Variants in USP7 observed in about 807,000 individuals in gnomAD.
USP7 encodes ubiquitin C-terminal hydrolase 7.
In USP7, 9 loss-of-function variants were observed where a neutral mutation model predicts 162.9. That is an observed-to-expected ratio of 0.06 (90% CI 0.03 to 0.10). USP7 has a LOEUF of 0.10. Among genes scored for constraint, USP7 ranks in the 10% least tolerant of loss-of-function variants. The pLI, the probability that USP7 is intolerant of heterozygous loss-of-function variation, is 1.00. For missense variants in USP7, 715 were observed against 1,373.7 expected (o/e 0.52, Z 7.58); for synonymous variants, 562 against 475.9 (o/e 1.18, Z -2.35).
Position 8,953,276 on chromosome 16 carries a change from C to T in USP7, c.79+9931G>A, listed in dbSNP as rs1161851429. On this transcript the variant is annotated intron_variant, in intron 1 of 30. Transcript: ENST00000344836. ...CCCTCCCCTGCACACGTGTTCAGGG[C>T]TCCTTCACTTTCTGAGGCAGTCCCA... Among the ~76,000 whole-genome samples, 14 of 152,234 alleles carry T rather than the reference C, an allele frequency of 9.2e-5. No individual in the cohort carries two copies. In the East Asian group the frequency reaches 2.7e-3, roughly 29 times the overall value.
At chr16:8,961,711 G>C (rs893092369) in intron 1 of USP7, among the ~76,000 whole-genome samples, 5 of 152,128 alleles carry the variant, frequency 3.3e-5, no homozygotes, top group African/African-American at 1.2e-4. Flanking sequence ...CATTTGAAAA[G>C]GAAACTGAAA....
At chr16:8,924,049 T>C (rs1023710343) in intron 2 of USP7, among the ~76,000 whole-genome samples, 2 of 152,166 alleles carry the variant, frequency 1.3e-5, no homozygotes, top group African/African-American at 2.4e-5. Flanking sequence ...ATGAGTAGTA[T>C]AAATTGTTAA....
chr16:8,937,003 T>C (rs1005853742), intron 1 of USP7, among the ~76,000 whole-genome samples: 1 of 152,160 alleles, frequency 6.6e-6, no homozygotes. Flanking sequence ...TTTGCAACTT[T>C]TCTGTACATC....
At chr16:8,949,760 G>C (rs1899464230) in intron 1 of USP7, 1 of 152,244 alleles carries the variant, frequency 6.6e-6, no homozygotes, top group African/African-American at 2.4e-5. Context: ...CTTACGCAGA[G>C]ACACCTTATC....
intron 27 of USP7, 108 bp from the exon 28 acceptor site, chr16:8,895,258 T>G: frequency 6.4e-7 from 1 of 1,551,082 alleles, no homozygotes. Flanking sequence ...AGCCTATTTT[T>G]GCTAAAAAAA....
Position 8,942,863 on chromosome 16 carries a change from A to G in USP7, c.80-12466T>C, listed in dbSNP as rs562926421. Among the ~76,000 whole-genome samples, 5 of 152,054 alleles carry G rather than the reference A, an allele frequency of 3.3e-5. No individual in the cohort carries two copies. In the South Asian group the frequency reaches 8.3e-4, roughly 25 times the overall value. Reference sequence around the variant, plus strand: ...ACATCCAGCCACTTTGTGATTTTATACCCTCCAGTTATTTGGCCATATGCA... The same window carrying G: ...ACATCCAGCCACTTTGTGATTTTATGCCCTCCAGTTATTTGGCCATATGCA... On this transcript the variant is annotated intron_variant, in intron 1 of 30. Transcript: ENST00000344836.
chr16:8,902,000 T>C, intron 18 of USP7, 82 bp downstream of exon 18: 1 of 1,189,564 alleles, frequency 8.4e-7, no homozygotes, highest in Non-Finnish European at 1.2e-6. Context: ...GGAAGAAGGC[T>C]TAACCCTGTG....
intron 27 of USP7, 97 bp downstream of exon 27, chr16:8,895,544 CA>C: frequency 9.6e-7 from 1 of 1,045,836 alleles, no homozygotes; most frequent in Non-Finnish European, 1.5e-6. Flanking sequence ...TATAAAAACA[CA>C]AATCAAGCTA....
chr16:8,933,082 A>T (rs937912985), intron 1 of USP7, among the ~76,000 whole-genome samples: 1 of 152,088 alleles, frequency 6.6e-6, no homozygotes, highest in African/African-American at 2.4e-5. Flanking sequence ...CTGGGATTAC[A>T]GGTGTGTACC....
intron 1 of USP7, among the ~76,000 whole-genome samples, chr16:8,945,619 T>G (rs752727742): frequency 2.0e-4 from 30 of 152,176 alleles, no homozygotes; most frequent in Non-Finnish European, 4.3e-4. Flanking sequence ...GACAGCACAG[T>G]AAAGATGTTC....
chr16:8,939,433 C>T (rs775240528), intron 1 of USP7, among the ~76,000 whole-genome samples: 2 of 152,254 alleles, frequency 1.3e-5, no homozygotes. Context: ...CATTCACTTG[C>T]TGACATCTGG....
At chr16:8,918,829 G>A (rs12708738) in intron 6 of USP7, among the ~76,000 whole-genome samples, 91,634 of 151,942 alleles carry the variant, frequency 0.6, 27,778 homozygotes, top group East Asian at 0.66. Flanking sequence ...AAGGTTGGCG[G>A]TGGTAACTCT....
At chr16:8,921,071 C>A (rs42554) in intron 4 of USP7, 86 bp downstream of exon 4, 1 of 1,437,006 alleles carries the variant, frequency 7.0e-7, no homozygotes, top group East Asian at 2.3e-5. Context: ...ACTCTAAAAT[C>A]AATAAAGGAC....
At chr16:8,954,368 G>T (rs879507883) in intron 1 of USP7, among the ~76,000 whole-genome samples, 16 of 152,318 alleles carry the variant, frequency 1.1e-4, no homozygotes, top group Non-Finnish European at 1.9e-4. Context: ...ATCCAAACGT[G>T]TTCAGTGGGC....
At chr16:8,954,976 TAAAA>T (rs1291164534) in intron 1 of USP7, among the ~76,000 whole-genome samples, 1 of 151,910 alleles carries the variant, frequency 6.6e-6, no homozygotes, top group Non-Finnish European at 1.5e-5. Flanking sequence ...AAAAATAAAA[TAAAA>T]AAACAGTAAC....
intron 2 of USP7, among the ~76,000 whole-genome samples, chr16:8,924,111 A>G (rs917795574): frequency 1.2e-4 from 18 of 152,238 alleles, no homozygotes; most frequent in African/African-American, 4.3e-4. Flanking sequence ...CTGACAACAC[A>G]GTGCCTCTTA....
intron 29 of USP7, 34 bp downstream of exon 29, chr16:8,894,750 C>T (rs1284138736): frequency 4.3e-6 from 7 of 1,614,086 alleles, no homozygotes; most frequent in Non-Finnish European, 5.9e-6. Flanking sequence ...GAGCCTATGG[C>T]CCGCCAAGCC....
At chr16:8,919,688 C>G (rs1159859030) in intron 5 of USP7, among the ~76,000 whole-genome samples, 2 of 151,168 alleles carry the variant, frequency 1.3e-5, no homozygotes, top group African/African-American at 4.9e-5. Flanking sequence ...CCCACCCCCA[C>G]CCCAAGTAGT....
At chr16:8,938,135 A>C (rs753866155) in intron 1 of USP7, among the ~76,000 whole-genome samples, 6 of 152,148 alleles carry the variant, frequency 3.9e-5, no homozygotes, top group Non-Finnish European at 8.8e-5. Context: ...GGAAGAATGG[A>C]AAAGTCCTGA....
Sources: allele counts gnomAD v4.1 joint callset (sites outside exome capture counted in the v4.1 genomes callset), GRCh38; gene constraint gnomAD v4.1.1; transcripts MANE v1.5; gene names NCBI Gene and HGNC (gene_info 2026-07-23, HGNC 2026-07-21).